Variants in STXBP4 observed in about 807,000 individuals in gnomAD.
STXBP4 encodes the protein syntaxin binding protein 4.
In STXBP4, 55 loss-of-function variants were observed where a neutral mutation model predicts 76.1. The observed-to-expected ratio is 0.72, with a 90% CI of 0.58 to 0.91. The LOEUF (loss-of-function observed/expected upper bound fraction) is 0.91. Among genes scored for constraint, STXBP4 ranks in the 40% least tolerant of loss-of-function variants. The pLI is 0.00. For synonymous variants in STXBP4, 201 were observed against 220.2 expected (o/e 0.91, Z 0.77); for missense variants, 618 against 636.9 (o/e 0.97, Z 0.32).
intron 13 of STXBP4, among the ~76,000 whole-genome samples, chr17:55,073,928 C>T (rs920946908): frequency 9.2e-5 from 14 of 152,070 alleles, no homozygotes; most frequent in East Asian, 1.9e-4. Context: ...CACGCCTGGA[C>T]AGTGCAAACT....
the STXBP4 span, among the ~76,000 whole-genome samples, chr17:55,196,588 G>C: frequency 6.6e-6 from 1 of 152,226 alleles, no homozygotes; most frequent in East Asian, 1.9e-4. Context: ...CACTGCTCTG[G>C]TAAATAATTT....
At chr17:55,179,196 A>G in the STXBP4 span, among the ~76,000 whole-genome samples, 1 of 152,186 alleles carries the variant, frequency 6.6e-6, no homozygotes, top group Non-Finnish European at 1.5e-5. Flanking sequence ...CATCTTGCAC[A>G]TTTAATTCAT....
At position 55,170,024 on chromosome 17, in the gene STXBP4, A is replaced by T. The variant is rs1462995367; in HGVS notation, c.*10113A>T. 3 of 152,228 alleles carry T rather than the reference A, an allele frequency of 2.0e-5. No individual in the cohort carries two copies. The highest frequency in any genetic ancestry group is 4.4e-5 in the Non-Finnish European group (3 of 68,040). 9.4% of individuals were successfully genotyped at this position (152,228 alleles called of 1,614,324 possible). A position where few individuals can be genotyped will look rare whatever the true frequency, so the allele number is the denominator to read the frequency against. The stretch of plus-strand genomic sequence containing the variant: ...TAAAACCAAAGTATTTTTAAAACAC[A>T]GTAATTATGTTAGTGCAGGTACATG... On this transcript the variant is annotated 3_prime_UTR_variant, in exon 18 of 18. Coordinates refer to ENST00000376352, the MANE Select transcript of STXBP4 (RefSeq NM_178509.6).
intron 1 of STXBP4, among the ~76,000 whole-genome samples, chr17:54,971,244 A>G (rs1343074655): frequency 6.6e-6 from 1 of 152,214 alleles, no homozygotes; most frequent in Non-Finnish European, 1.5e-5. Context: ...GTAAGTTAAT[A>G]TTTATCCAGT....
chr17:55,063,078 C>T (rs923498333), intron 12 of STXBP4, among the ~76,000 whole-genome samples: 2 of 152,110 alleles, frequency 1.3e-5, no homozygotes, highest in Admixed American at 1.3e-4. Flanking sequence ...GACCAAGAAA[C>T]AGCAGTGAGC....
intron 6 of STXBP4, among the ~76,000 whole-genome samples, chr17:55,000,511 CAG>C (rs2077892980): frequency 6.6e-6 from 1 of 152,256 alleles, no homozygotes; most frequent in African/African-American, 2.4e-5. Flanking sequence ...TGAACAGAGA[CAG>C]AGTATAAGAT....
intron 16 of STXBP4, among the ~76,000 whole-genome samples, chr17:55,099,874 T>G (rs2079543025): frequency 6.6e-6 from 1 of 152,212 alleles, no homozygotes; most frequent in Non-Finnish European, 1.5e-5. Context: ...TGAGACTTTC[T>G]GATTAAAATA....
chr17:55,117,316 AT>A (rs1249556023), intron 16 of STXBP4, among the ~76,000 whole-genome samples: 1 of 151,884 alleles, frequency 6.6e-6, no homozygotes, highest in African/African-American at 2.4e-5. Flanking sequence ...GATGTGACAG[AT>A]TTCAGCCTTT....
intron 8 of STXBP4, among the ~76,000 whole-genome samples, chr17:55,011,876 G>A (rs1288813690): frequency 2.6e-5 from 4 of 152,240 alleles, no homozygotes; most frequent in South Asian, 4.1e-4. Context: ...AAGTGCCATT[G>A]AGGAGGTTGG....
chr17:55,146,677 A>G (rs751389123), intron 17 of STXBP4, among the ~76,000 whole-genome samples: 10 of 151,684 alleles, frequency 6.6e-5, no homozygotes, highest in Non-Finnish European at 8.8e-5. Context: ...AGATCACACC[A>G]TTGCACTCCA....
intron 16 of STXBP4, among the ~76,000 whole-genome samples, chr17:55,121,188 A>G (rs1205988513): frequency 6.6e-6 from 1 of 152,228 alleles, no homozygotes; most frequent in Non-Finnish European, 1.5e-5. Context: ...AACTATTGTA[A>G]TGCAAAGTTT....
chr17:55,085,330 C>T (rs1598298121), intron 16 of STXBP4, among the ~76,000 whole-genome samples: 1 of 151,172 alleles, frequency 6.6e-6, no homozygotes, highest in East Asian at 1.9e-4. Flanking sequence ...GCATATTGTG[C>T]ACATGTACCC....
the STXBP4 span, among the ~76,000 whole-genome samples, chr17:55,194,231 T>C: frequency 3.9e-5 from 6 of 152,290 alleles, no homozygotes; most frequent in East Asian, 1.2e-3. Context: ...CCAGGCAGGC[T>C]GGCTCTTAGA....
At chr17:55,089,976 G>A (rs1353139585) in intron 16 of STXBP4, among the ~76,000 whole-genome samples, 4 of 152,042 alleles carry the variant, frequency 2.6e-5, no homozygotes, top group Admixed American at 6.6e-5. Flanking sequence ...TTTAATATAG[G>A]AGAGATAGGA....
chr17:55,174,956 G>A (rs145535912), downstream of STXBP4, among the ~76,000 whole-genome samples: 631 of 152,170 alleles, frequency 4.1e-3, 6 homozygotes, highest in African/African-American at 0.014. Flanking sequence ...CCTGGGAGGC[G>A]GAGCTTGCAG....
At chr17:55,041,515 G>A (rs1438366227) in intron 10 of STXBP4, among the ~76,000 whole-genome samples, 1 of 152,060 alleles carries the variant, frequency 6.6e-6, no homozygotes, top group East Asian at 1.9e-4. Context: ...ACTGCACCTG[G>A]CCTTATTTAA....
At chr17:55,113,633 A>AC (rs2079748608) in intron 16 of STXBP4, among the ~76,000 whole-genome samples, 1 of 151,944 alleles carries the variant, frequency 6.6e-6, no homozygotes, top group South Asian at 2.1e-4. Flanking sequence ...TTCTGCTGAT[A>AC]TAAAAAAAAA....
rs566941865 is a variant in STXBP4, at chr17:55,166,211, G to A, written c.*6300G>A. 1.3e-5 allele frequency: 2 copies of A among 152,214 alleles called. No individual in the cohort carries two copies. Among genetic ancestry groups the A allele is most frequent in the Admixed American group, 1.3e-4 (2 of 15,294 alleles). The allele number at this position is 152,214 out of a possible 1,614,324, so 9.4% of individuals were successfully genotyped here. On this transcript the variant is annotated 3_prime_UTR_variant, in exon 18 of 18. Coordinates refer to ENST00000376352, the MANE Select transcript of STXBP4 (RefSeq NM_178509.6). ...TTGGTGAGTTTAGGATTAAAAAAAG[G>A]AATACATCCTAGAACATTTCTTAAA...
chr17:55,131,166 T>C (rs2079969965), intron 16 of STXBP4, among the ~76,000 whole-genome samples: 2 of 152,228 alleles, frequency 1.3e-5, no homozygotes, highest in African/African-American at 4.8e-5. Flanking sequence ...TTCTCTGCAT[T>C]CTCACCAATG....
Sources: allele counts gnomAD v4.1 joint callset (sites outside exome capture counted in the v4.1 genomes callset), GRCh38; gene constraint gnomAD v4.1.1; transcripts MANE v1.5; gene names NCBI Gene and HGNC (gene_info 2026-07-23, HGNC 2026-07-21).